The following LRRC4C variants were observed in gnomAD, a reference collection of about 807,000 sequenced individuals.
LRRC4C encodes leucine-rich repeat-containing protein 4C.
A neutral mutation model predicts 33.6 loss-of-function variants in LRRC4C; 5 were observed. The observed-to-expected ratio is 0.15, with a 90% CI of 0.08 to 0.31. The LOEUF (loss-of-function observed/expected upper bound fraction) is 0.31. Ranked by LOEUF, LRRC4C falls within the 10% of genes least tolerant of loss-of-function variation. LRRC4C has a pLI of 1.00. For synonymous variants in LRRC4C, 329 were observed against 302.0 expected (o/e 1.09, Z -0.93); for missense variants, 560 against 796.7 (o/e 0.70, Z 3.58).
In LRRC4C at chr11:41,195,555, C is replaced by G. The variant is rs184901448; in HGVS notation, c.-495-261832G>C. Among the ~76,000 whole-genome samples, 4 of 152,068 alleles carry G rather than the reference C, an allele frequency of 2.6e-5. No individual in the cohort carries two copies. The East Asian group carries it at 5.8e-4, about 22-fold the overall frequency. On this transcript the variant is annotated intron_variant, in intron 1 of 6. Transcript: ENST00000528697. ...TCTCATCATGGAGATATTTCCCCCCCCAAATTATAAAGCACATACAGTCCA... is the reference window on the plus strand; with the variant it reads ...TCTCATCATGGAGATATTTCCCCCCGCAAATTATAAAGCACATACAGTCCA...
chr11:40,329,737 C>CTTTTTTTTTTTTTT (rs199598860), intron 3 of LRRC4C, among the ~76,000 whole-genome samples: 2 of 120,416 alleles, frequency 1.7e-5, no homozygotes, highest in African/African-American at 6.3e-5. Flanking sequence ...CTTTCTTTTT[C>CTTTTTTTTTTTTTT]TTTTTTTTTT....
At chr11:40,466,268 G>A (rs2138237297) in intron 3 of LRRC4C, among the ~76,000 whole-genome samples, 1 of 152,078 alleles carries the variant, frequency 6.6e-6, no homozygotes, top group South Asian at 2.1e-4. Flanking sequence ...TACAAATGTG[G>A]GAGAATGGGG....
At chr11:40,405,647 A>T (rs1424490474) in intron 3 of LRRC4C, among the ~76,000 whole-genome samples, 1 of 150,010 alleles carries the variant, frequency 6.7e-6, no homozygotes, top group Non-Finnish European at 1.5e-5. Context: ...TTGTTGATAC[A>T]GTCAACAAAA....
At chr11:40,833,527 T>G (rs1420060424) in intron 2 of LRRC4C, among the ~76,000 whole-genome samples, 1 of 152,140 alleles carries the variant, frequency 6.6e-6, no homozygotes, top group Non-Finnish European at 1.5e-5. Flanking sequence ...TAGATCCTTA[T>G]AACACATCCC....
chr11:40,123,023 C>T (rs1250760488), intron 6 of LRRC4C, among the ~76,000 whole-genome samples: 2 of 150,170 alleles, frequency 1.3e-5, no homozygotes, highest in Non-Finnish European at 3.0e-5. Flanking sequence ...AGAGACTGAC[C>T]CCAGTACTTA....
chr11:40,968,142 G>A (rs1382760054), intron 1 of LRRC4C, among the ~76,000 whole-genome samples: 4 of 152,160 alleles, frequency 2.6e-5, no homozygotes, highest in Non-Finnish European at 4.4e-5. Flanking sequence ...CTGATATTGA[G>A]AAAGTTTTCA....
At chr11:41,054,926 T>C (rs1858508780) in intron 1 of LRRC4C, among the ~76,000 whole-genome samples, 1 of 152,190 alleles carries the variant, frequency 6.6e-6, no homozygotes, top group African/African-American at 2.4e-5. Context: ...CACCGACTTG[T>C]ATTGTAAATT....
chr11:40,497,951 T>C (rs1159582716), intron 3 of LRRC4C, among the ~76,000 whole-genome samples: 1 of 152,212 alleles, frequency 6.6e-6, no homozygotes, highest in Non-Finnish European at 1.5e-5. Flanking sequence ...GACTTTTCAT[T>C]TTATGGTATA....
At chr11:40,259,056 A>G (rs1308745971) in intron 4 of LRRC4C, among the ~76,000 whole-genome samples, 1 of 152,172 alleles carries the variant, frequency 6.6e-6, no homozygotes, top group Non-Finnish European at 1.5e-5. Flanking sequence ...TATTTTGCAA[A>G]TGAGGTAGTC....
intron 3 of LRRC4C, among the ~76,000 whole-genome samples, chr11:40,523,538 TTATA>T (rs935598652): frequency 1.3e-5 from 2 of 149,382 alleles, no homozygotes; most frequent in African/African-American, 4.9e-5. Context: ...TACATAAATA[TTATA>T]TATAAATGAA....
At chr11:40,202,167 A>C (rs1382740708) in intron 5 of LRRC4C, among the ~76,000 whole-genome samples, 1 of 143,066 alleles carries the variant, frequency 7.0e-6, no homozygotes, top group African/African-American at 2.6e-5. Context: ...ATAGCTTTTC[A>C]GTAAAGCATA....
chr11:41,277,034 AG>A (rs1949506621), intron 1 of LRRC4C, among the ~76,000 whole-genome samples: 1 of 152,224 alleles, frequency 6.6e-6, no homozygotes, highest in South Asian at 2.1e-4. Context: ...AAACTATCAC[AG>A]ATGTTAAGAA....
intron 2 of LRRC4C, among the ~76,000 whole-genome samples, chr11:40,832,011 A>G (rs967789911): frequency 1.3e-5 from 2 of 152,130 alleles, no homozygotes; most frequent in Non-Finnish European, 2.9e-5. Flanking sequence ...TAGAGTTATG[A>G]TTTTTAAAAT....
At chr11:41,166,913 C>T (rs1944755518) in intron 1 of LRRC4C, among the ~76,000 whole-genome samples, 1 of 152,162 alleles carries the variant, frequency 6.6e-6, no homozygotes, top group South Asian at 2.1e-4. Context: ...AGTACTAACA[C>T]AACCCCTCTC....
intron 1 of LRRC4C, among the ~76,000 whole-genome samples, chr11:40,985,082 A>G (rs191872361): frequency 6.6e-6 from 1 of 151,734 alleles, no homozygotes; most frequent in African/African-American, 2.4e-5. Flanking sequence ...AGGAGAGAAG[A>G]GCAAGACAAG....
At chr11:40,479,836 A>G (rs1953452703) in intron 3 of LRRC4C, among the ~76,000 whole-genome samples, 1 of 152,150 alleles carries the variant, frequency 6.6e-6, no homozygotes, top group South Asian at 2.1e-4. Context: ...CAGGTTTATG[A>G]TATTGATAAT....
chr11:40,647,908 G>A (rs1942563183), intron 3 of LRRC4C, among the ~76,000 whole-genome samples: 1 of 152,146 alleles, frequency 6.6e-6, no homozygotes, highest in African/African-American at 2.4e-5. Flanking sequence ...TTTATGAGGT[G>A]GCAACTTTTT....
At chr11:40,802,044 G>GCTCACTGAAATAAAAAATACCTGTA (rs1951064882) in intron 2 of LRRC4C, among the ~76,000 whole-genome samples, 1 of 152,076 alleles carries the variant, frequency 6.6e-6, no homozygotes, top group Non-Finnish European at 1.5e-5. Flanking sequence ...TTTCCTCTGT[G>GCTCACTGAAATAAAAAATACCTGTA]CTCACTGAAA....
At chr11:40,678,873 G>T (rs529170884) in intron 2 of LRRC4C, among the ~76,000 whole-genome samples, 5 of 152,216 alleles carry the variant, frequency 3.3e-5, no homozygotes, top group African/African-American at 1.2e-4. Context: ...GTAGGGGGGT[G>T]CTACAATAAA....
Sources: gnomAD v4.1 joint callset for allele counts (sites outside exome capture counted in the v4.1 genomes callset) on GRCh38, gnomAD v4.1.1 for gene constraint, MANE v1.5 for transcripts, NCBI Gene and HGNC (gene_info 2026-07-23, HGNC 2026-07-21) for gene names.